The following ST18 variants were observed in gnomAD, a reference collection of about 807,000 sequenced individuals.
ST18 encodes suppression of tumorigenicity 18 protein.
A neutral mutation model predicts 110.0 loss-of-function variants in ST18; 50 were observed. The ratio of observed to expected loss-of-function variants is 0.45; its 90% CI spans 0.36 to 0.58. The LOEUF is 0.58. Among genes scored for constraint, ST18 ranks in the 20% least tolerant of loss-of-function variants. ST18 has a pLI of 0.00. For synonymous variants in ST18, 461 were observed against 452.4 expected (o/e 1.02, Z -0.24); for missense variants, 1,306 against 1,280.1 (o/e 1.02, Z -0.31).
At chr8:52,367,170 G>A (rs553922754) in intron 2 of ST18, among the ~76,000 whole-genome samples, 12 of 150,016 alleles carry the variant, frequency 8.0e-5, no homozygotes, top group South Asian at 4.2e-4. Flanking sequence ...AGGTAGAGGC[G>A]GAGGCTGCGG....
At chr8:52,289,833 AT>A (rs879916866) in intron 2 of ST18, among the ~76,000 whole-genome samples, 11 of 152,150 alleles carry the variant, frequency 7.2e-5, no homozygotes, top group Non-Finnish European at 1.0e-4. Flanking sequence ...GGAAAGGTAG[AT>A]ACTCATATCT....
intron 2 of ST18, among the ~76,000 whole-genome samples, chr8:52,250,881 G>A (rs1317940941): frequency 6.6e-6 from 1 of 152,070 alleles, no homozygotes; most frequent in African/African-American, 2.4e-5. Flanking sequence ...AGAGGAGGAA[G>A]AAACACCAAC....
chr8:52,372,049 G>T (rs1564602853), intron 2 of ST18, among the ~76,000 whole-genome samples: 1 of 152,102 alleles, frequency 6.6e-6, no homozygotes, highest in Non-Finnish European at 1.5e-5. Flanking sequence ...ACAGAAGAAG[G>T]TATTGTTGTC....
At position 52,346,882 on chromosome 8, in the gene ST18, G is replaced by C. The variant is rs560362958; in HGVS notation, c.-465+62446C>G. On this transcript the variant is annotated intron_variant, in intron 2 of 25. Coordinates refer to ENST00000689386, the MANE Select transcript of ST18 (RefSeq NM_001352837.2). ...AATGGGAGATGAACAATCTCTGGGGGAGAAAGGAGGAAACGGCTGGAGTAG... is the reference window on the plus strand; with the variant it reads ...AATGGGAGATGAACAATCTCTGGGGCAGAAAGGAGGAAACGGCTGGAGTAG... Among the ~76,000 whole-genome samples the C allele has an allele frequency of 3.9e-5, 6 of 152,304 alleles. No homozygotes were observed. In the East Asian group the frequency reaches 1.2e-3, roughly 29 times the overall value.
At chr8:52,315,209 A>G (rs1451802211) in intron 2 of ST18, among the ~76,000 whole-genome samples, 1 of 152,244 alleles carries the variant, frequency 6.6e-6, no homozygotes, top group Non-Finnish European at 1.5e-5. Flanking sequence ...CTATTCAGTA[A>G]GGAAATTCAA....
intron 2 of ST18, among the ~76,000 whole-genome samples, chr8:52,396,718 T>C (rs1841262543): frequency 6.6e-6 from 1 of 152,118 alleles, no homozygotes; most frequent in African/African-American, 2.4e-5. Flanking sequence ...CACTCACTCA[T>C]GAGAACAGCA....
At chr8:52,296,180 G>A (rs2095634630) in intron 2 of ST18, among the ~76,000 whole-genome samples, 1 of 152,110 alleles carries the variant, frequency 6.6e-6, no homozygotes, top group Admixed American at 6.5e-5. Flanking sequence ...GCTTAGATTT[G>A]ATAAAGAAAA....
At chr8:52,398,878 G>C (rs1440683479) in intron 2 of ST18, among the ~76,000 whole-genome samples, 1 of 152,062 alleles carries the variant, frequency 6.6e-6, no homozygotes, top group Non-Finnish European at 1.5e-5. Context: ...ACATTCATCA[G>C]AGAGACTGGC....
intron 8 of ST18, among the ~76,000 whole-genome samples, chr8:52,185,664 T>A (rs1288877798): frequency 6.6e-6 from 1 of 152,138 alleles, no homozygotes; most frequent in East Asian, 1.9e-4. Flanking sequence ...GACAAAGGCA[T>A]CATTGGGCAA....
chr8:52,313,187 T>G (rs1283214674), intron 2 of ST18: 1 of 152,758 alleles, frequency 6.5e-6, no homozygotes, highest in East Asian at 1.9e-4. Flanking sequence ...TACCTTGAAC[T>G]CTTTCATGAT....
chr8:52,288,472 G>A (rs1269052258), intron 2 of ST18, among the ~76,000 whole-genome samples: 2 of 152,172 alleles, frequency 1.3e-5, no homozygotes, highest in East Asian at 1.9e-4. Flanking sequence ...GACAGAGGCC[G>A]GTGGATCACC....
intron 2 of ST18, chr8:52,405,700 A>T (rs1035440389): frequency 1.3e-5 from 2 of 152,238 alleles, no homozygotes; most frequent in Non-Finnish European, 2.9e-5. Context: ...ACTTTCACAT[A>T]TCAATGAAAT....
intron 2 of ST18, among the ~76,000 whole-genome samples, chr8:52,333,995 C>T (rs1003888231): frequency 5.3e-5 from 8 of 152,224 alleles, no homozygotes; most frequent in African/African-American, 1.9e-4. Flanking sequence ...CTGTCAGCTA[C>T]AGGGCAGCAC....
chr8:52,310,299 C>T (rs1354049477), intron 2 of ST18, among the ~76,000 whole-genome samples: 1 of 152,162 alleles, frequency 6.6e-6, no homozygotes, highest in African/African-American at 2.4e-5. Context: ...GTTTCTGATA[C>T]TAAAACAGCA....
At chr8:52,267,379 T>C (rs2094906796) in intron 2 of ST18, among the ~76,000 whole-genome samples, 1 of 151,070 alleles carries the variant, frequency 6.6e-6, no homozygotes, top group Admixed American at 6.6e-5. Flanking sequence ...GAGAGCAGGA[T>C]CTTGCAATAA....
intron 2 of ST18, among the ~76,000 whole-genome samples, chr8:52,265,267 A>G (rs75540399): frequency 0.012 from 1,831 of 152,316 alleles, 31 homozygotes; most frequent in South Asian, 0.035. Flanking sequence ...CAGGTGAACA[A>G]TGGGGAGAAG....
chr8:52,282,296 T>A (rs1021443890), intron 2 of ST18, among the ~76,000 whole-genome samples: 3 of 152,182 alleles, frequency 2.0e-5, no homozygotes, highest in African/African-American at 7.2e-5. Context: ...AAAATATTAT[T>A]AAACCCATCT....
chr8:52,363,386 A>G (rs1444401422), intron 2 of ST18, among the ~76,000 whole-genome samples: 1 of 152,120 alleles, frequency 6.6e-6, no homozygotes, highest in Non-Finnish European at 1.5e-5. Context: ...ATATCTTCCT[A>G]GCTGTTTCCT....
intron 10 of ST18, among the ~76,000 whole-genome samples, chr8:52,167,854 C>T (rs542274643): frequency 6.6e-6 from 1 of 152,178 alleles, no homozygotes; most frequent in South Asian, 2.1e-4. Context: ...TTCTGGGTGC[C>T]TGGGGAGGGT....
Sources: gnomAD v4.1 joint callset for allele counts (sites outside exome capture counted in the v4.1 genomes callset) on GRCh38, gnomAD v4.1.1 for gene constraint, MANE v1.5 for transcripts, NCBI Gene and HGNC (gene_info 2026-07-23, HGNC 2026-07-21) for gene names.